Variants in KIF26B observed in about 807,000 individuals in gnomAD.
The protein encoded by KIF26B is kinesin family member 26B, also known as kinesin-like protein KIF26B.
Under a neutral mutation model 151.2 loss-of-function variants are expected in KIF26B, and 63 were observed. The observed-to-expected ratio is 0.42, with a 90% CI of 0.34 to 0.51. KIF26B has a LOEUF of 0.51. Ranked by LOEUF, KIF26B falls within the 20% of genes least tolerant of loss-of-function variation. The probability of loss-of-function intolerance (pLI) is 0.07; values close to 1 mark genes in which losing one functional copy is unlikely to be tolerated. For synonymous variants in KIF26B, 1,357 were observed against 1,262.1 expected, an observed-to-expected ratio of 1.08 and a Z score of -1.59; for missense variants, 2,813 against 2,913.6, an observed-to-expected ratio of 0.97 and a Z score of 0.79.
At position 245,650,448 on chromosome 1, in the gene KIF26B, C is replaced by T. The variant is rs1010089741; in HGVS notation, c.2258+4168C>T. 3.9e-5 allele frequency among the ~76,000 whole-genome samples: 6 copies of T among 152,366 alleles called. No individual in the cohort carries two copies. The East Asian group carries it at 7.7e-4, about 20-fold the overall frequency. ...GGATCTGTCAGGGTGAACTGAGCTT[C>T]GGCTAACGGGTGTTATGTCCCAGCT... On this transcript the variant is annotated intron_variant, in intron 10 of 14. Coordinates refer to ENST00000407071, the MANE Select transcript of KIF26B (RefSeq NM_018012.4).
chr1:245,215,028 G>A (rs1417139677), intron 2 of KIF26B, among the ~76,000 whole-genome samples: 5 of 152,084 alleles, frequency 3.3e-5, no homozygotes, highest in South Asian at 2.1e-4. Context: ...GAACGGGTAG[G>A]ATTATCTACT....
chr1:245,253,161 C>G (rs955161772), intron 2 of KIF26B, among the ~76,000 whole-genome samples: 1 of 151,848 alleles, frequency 6.6e-6, no homozygotes, highest in Admixed American at 6.6e-5. Context: ...AGGCGCCCAC[C>G]ACCAAGCCCA....
At chr1:245,361,370 T>A (rs1672814679) in intron 2 of KIF26B, among the ~76,000 whole-genome samples, 1 of 152,234 alleles carries the variant, frequency 6.6e-6, no homozygotes, top group Non-Finnish European at 1.5e-5. Flanking sequence ...CGGTCTGACA[T>A]TTAACATTTC....
chr1:245,181,059 T>C (rs1449704348), intron 2 of KIF26B, among the ~76,000 whole-genome samples: 1 of 152,200 alleles, frequency 6.6e-6, no homozygotes, highest in Non-Finnish European at 1.5e-5. Context: ...ACAGTGGTTG[T>C]GCCAGAGAGG....
At chr1:245,301,055 T>C (rs1671421177) in intron 2 of KIF26B, among the ~76,000 whole-genome samples, 1 of 151,958 alleles carries the variant, frequency 6.6e-6, no homozygotes, top group Non-Finnish European at 1.5e-5. Flanking sequence ...GGTCTCGAAC[T>C]CCTGATCTCA....
chr1:245,339,361 T>A (rs1161636852), intron 2 of KIF26B, among the ~76,000 whole-genome samples: 1 of 152,242 alleles, frequency 6.6e-6, no homozygotes, highest in Non-Finnish European at 1.5e-5. Context: ...TTTATTATTC[T>A]GTACGGATGT....
At chr1:245,420,563 G>A (rs1658461789) in intron 4 of KIF26B, among the ~76,000 whole-genome samples, 1 of 152,182 alleles carries the variant, frequency 6.6e-6, no homozygotes, top group Non-Finnish European at 1.5e-5. Flanking sequence ...AACTTTCTCT[G>A]TCTAAGATTT....
chr1:245,274,919 G>A (rs1670913459), intron 2 of KIF26B, among the ~76,000 whole-genome samples: 1 of 152,162 alleles, frequency 6.6e-6, no homozygotes, highest in Admixed American at 6.5e-5. Flanking sequence ...CAAAATGGTT[G>A]AACTAATTTA....
intron 3 of KIF26B, among the ~76,000 whole-genome samples, chr1:245,405,605 C>T (rs181570132): frequency 2.0e-5 from 3 of 149,682 alleles, no homozygotes; most frequent in Admixed American, 6.6e-5. Flanking sequence ...TTTCAGAGTT[C>T]TGCTGTCCTA....
chr1:245,639,050 T>C (rs2043861815), intron 9 of KIF26B, among the ~76,000 whole-genome samples: 1 of 151,958 alleles, frequency 6.6e-6, no homozygotes, highest in African/African-American at 2.4e-5. Context: ...GTAGAATTGG[T>C]ATTAGTTATT....
chr1:245,651,241 C>G (rs1216350788), intron 10 of KIF26B, among the ~76,000 whole-genome samples: 1 of 152,194 alleles, frequency 6.6e-6, no homozygotes, highest in African/African-American at 2.4e-5. Flanking sequence ...TTCAAAGCAG[C>G]AGGCAGCACT....
rs1358143678 is a variant in KIF26B, at chr1:245,352,590, G to A, written c.466-14244G>A. 6.6e-6 allele frequency among the ~76,000 whole-genome samples: 1 copy of A among 152,174 alleles called. No individual in the cohort carries two copies. Among genetic ancestry groups the A allele is most frequent in the Non-Finnish European group, 1.5e-5 (1 of 68,040 alleles). ...ACCTACTTCCAGTTTAAAGTCACCTGGGAAATACTTGGAGTACAGTTTTGT... is the reference window on the plus strand; with the variant it reads ...ACCTACTTCCAGTTTAAAGTCACCTAGGAAATACTTGGAGTACAGTTTTGT... On this transcript the variant is annotated intron_variant, in intron 2 of 14. Coordinates refer to ENST00000407071, the MANE Select transcript of KIF26B (RefSeq NM_018012.4). This position sits in a 1 kb window ranked among gnomAD's most constrained non-coding sequence, Gnocchi z 5.0.
intron 4 of KIF26B, among the ~76,000 whole-genome samples, chr1:245,485,696 T>C (rs1030973901): frequency 5.3e-5 from 8 of 152,096 alleles, no homozygotes; most frequent in African/African-American, 1.9e-4. Flanking sequence ...CAAAAGTTTT[T>C]AAATGCTGCA....
At position 245,698,067 on chromosome 1, in the gene KIF26B, T is replaced by G. The variant is rs2044716936; in HGVS notation, c.5825-39T>G. 6.4e-7 allele frequency: 1 copy of G among 1,560,864 alleles called. No individual in the cohort carries two copies. Among genetic ancestry groups the G allele is most frequent in the African/African-American group, 1.4e-5 (1 of 72,276 alleles). On this transcript the variant is annotated intron_variant, in intron 12 of 14. Transcript: ENST00000407071. This position sits in a 1 kb window ranked among gnomAD's most constrained non-coding sequence, Gnocchi z 4.0. ...AAAAAAACAACAAAAAAATTGAAATTCAGAAAGACTAACTCTCTGGGCTTA... is the reference window on the plus strand; with the variant it reads ...AAAAAAACAACAAAAAAATTGAAATGCAGAAAGACTAACTCTCTGGGCTTA...
At chr1:245,415,058 A>G (rs952604910) in intron 3 of KIF26B, among the ~76,000 whole-genome samples, 1 of 152,208 alleles carries the variant, frequency 6.6e-6, no homozygotes, top group Non-Finnish European at 1.5e-5. Context: ...AAGTGGAAAC[A>G]ATAGCCAACC....
chr1:245,539,880 T>C (rs1382462800), intron 4 of KIF26B, among the ~76,000 whole-genome samples: 36 of 152,148 alleles, frequency 2.4e-4, no homozygotes, highest in Non-Finnish European at 1.5e-5. Flanking sequence ...CTCGAACTCC[T>C]GACCTCAGGT....
intron 4 of KIF26B, among the ~76,000 whole-genome samples, chr1:245,501,349 T>C (rs1442441081): frequency 6.6e-6 from 1 of 152,224 alleles, no homozygotes; most frequent in Non-Finnish European, 1.5e-5. Context: ...AATAAGTTGA[T>C]ATATAGACAG....
At chr1:245,340,735 G>A (rs1374852199) in intron 2 of KIF26B, among the ~76,000 whole-genome samples, 1 of 152,204 alleles carries the variant, frequency 6.6e-6, no homozygotes, top group African/African-American at 2.4e-5. Context: ...TATCTAATGA[G>A]TTGTACAGCA....
At chr1:245,451,843 A>G (rs751145263) in intron 4 of KIF26B, among the ~76,000 whole-genome samples, 42 of 151,920 alleles carry the variant, frequency 2.8e-4, no homozygotes, top group South Asian at 2.3e-3. Context: ...CAGGTGATCC[A>G]CCCACCTCGG....
Sources: gnomAD v4.1 joint callset for allele counts (sites outside exome capture counted in the v4.1 genomes callset) on GRCh38, gnomAD v4.1.1 for gene constraint, Gnocchi (gnomAD v3.1) non-coding constraint, MANE v1.5 for transcripts, NCBI Gene and HGNC (gene_info 2026-07-23, HGNC 2026-07-21) for gene names.